LMBRD1: variants seen among roughly 807,000 people sequenced by gnomAD.
LMBRD1 encodes lysosomal cobalamin transport escort protein LMBD1.
LMBRD1 carries 64 observed loss-of-function variants against 74.8 expected under a neutral mutation model. That is an observed-to-expected ratio of 0.86 (90% CI 0.70 to 1.05). The LOEUF (loss-of-function observed/expected upper bound fraction) is 1.05, where lower values mean the gene tolerates loss of function less well. Among genes scored for constraint, LMBRD1 ranks in the 50% least tolerant of loss-of-function variants. The pLI is 0.00. For synonymous variants in LMBRD1, 204 were observed against 216.3 expected, an observed-to-expected ratio of 0.94 and a Z score of 0.50; for missense variants, 652 against 645.9, an observed-to-expected ratio of 1.01 and a Z score of -0.10.
chr6:69,779,485 C>T (rs1277258014), intron 3 of LMBRD1, among the ~76,000 whole-genome samples: 1 of 152,088 alleles, frequency 6.6e-6, no homozygotes, highest in Non-Finnish European at 1.5e-5. Context: ...AGGAGCCAAG[C>T]AACCATAAGT....
chr6:69,750,310 T>C (rs1765098343), intron 4 of LMBRD1, among the ~76,000 whole-genome samples: 1 of 151,738 alleles, frequency 6.6e-6, no homozygotes, highest in African/African-American at 2.4e-5. Flanking sequence ...GAGAAGTTAA[T>C]AATCTGTCCT....
chr6:69,698,736 G>C (rs941326622), intron 13 of LMBRD1, among the ~76,000 whole-genome samples: 15 of 151,742 alleles, frequency 9.9e-5, no homozygotes, highest in Non-Finnish European at 2.2e-4. Context: ...ATTAAAATTC[G>C]TTAAAACGTT....
intron 7 of LMBRD1, among the ~76,000 whole-genome samples, chr6:69,726,500 G>A (rs1380665328): frequency 6.6e-6 from 1 of 152,172 alleles, no homozygotes; most frequent in Non-Finnish European, 1.5e-5. Flanking sequence ...CAGATGAATG[G>A]ATAAAGAAAA....
intron 9 of LMBRD1, chr6:69,706,098 A>T: frequency 1.5e-6 from 1 of 651,420 alleles, no homozygotes; most frequent in Admixed American, 1.9e-5. Flanking sequence ...CCTGTAGTTC[A>T]CAACCAAATA....
rs767524830 is a variant in LMBRD1, at chr6:69,699,110, G to C, written c.1271C>G (p.Thr424Ser). The change falls in exon 13 of 16, where the codon ACT becomes AGT. Residue 424 changes from threonine to serine, a missense_variant. Thr to Ser is a moderately conservative substitution (Grantham distance 58). Coordinates refer to ENST00000649934, the MANE Select transcript of LMBRD1 (RefSeq NM_018368.4). ...CMILLLIVLH[T>S]SYMIYSLAPQ... Reference sequence around the variant, plus strand: ...AGCAAGACTATAAATCATGTAGCTAGTGTGAAGGACAATAAGCAGAAGTAT... The same window carrying C: ...AGCAAGACTATAAATCATGTAGCTACTGTGAAGGACAATAAGCAGAAGTAT... The C allele has an allele frequency of 6.2e-7, 1 of 1,609,510 alleles. No homozygotes were observed. Among genetic ancestry groups the C allele is most frequent in the Admixed American group, 1.7e-5 (1 of 59,918 alleles).
intron 3 of LMBRD1, among the ~76,000 whole-genome samples, chr6:69,766,727 C>A (rs1250806753): frequency 6.6e-6 from 1 of 151,572 alleles, no homozygotes; most frequent in East Asian, 1.9e-4. Context: ...GGTATAATTT[C>A]TATTTATAAT....
intron 3 of LMBRD1, among the ~76,000 whole-genome samples, chr6:69,766,427 A>G (rs1582140094): frequency 6.6e-6 from 1 of 151,930 alleles, no homozygotes; most frequent in African/African-American, 2.4e-5. Context: ...TTTCTGTCCT[A>G]TGTATGCTAA....
At chr6:69,742,829 G>C (rs142867543) in intron 5 of LMBRD1, among the ~76,000 whole-genome samples, 87 of 152,062 alleles carry the variant, frequency 5.7e-4, no homozygotes, top group Non-Finnish European at 1.1e-3. Context: ...CCTATTTCCT[G>C]TTGCTACTGA....
At chr6:69,720,113 A>T (rs1766581558) in intron 7 of LMBRD1, among the ~76,000 whole-genome samples, 1 of 152,206 alleles carries the variant, frequency 6.6e-6, no homozygotes, top group Admixed American at 6.5e-5. Flanking sequence ...CTTTTATGCA[A>T]TGATTAAACA....
chr6:69,707,317 C>T (rs73485505), intron 9 of LMBRD1, among the ~76,000 whole-genome samples: 1 of 152,118 alleles, frequency 6.6e-6, no homozygotes, highest in Non-Finnish European at 1.5e-5. Context: ...ACCTGAATAA[C>T]CCAGGATAAT....
chr6:69,783,116 T>C (rs1047771291), intron 2 of LMBRD1, among the ~76,000 whole-genome samples: 1 of 152,112 alleles, frequency 6.6e-6, no homozygotes, highest in Admixed American at 6.5e-5. Flanking sequence ...TTTTAACACA[T>C]GTAATCTTTG....
At chr6:69,784,601 C>A (rs1429760361) in intron 2 of LMBRD1, among the ~76,000 whole-genome samples, 1 of 152,134 alleles carries the variant, frequency 6.6e-6, no homozygotes, top group Non-Finnish European at 1.5e-5. Context: ...AAGAATTATC[C>A]AAGGCAAAAT....
At chr6:69,762,768 A>C (rs62408999) in intron 3 of LMBRD1, among the ~76,000 whole-genome samples, 53,732 of 152,020 alleles carry the variant, frequency 0.35, 10,184 homozygotes, top group East Asian at 0.54. Flanking sequence ...AAGAGAGACC[A>C]GAGTTCAATC....
At chr6:69,729,189 T>C (rs1766798937) in intron 7 of LMBRD1, among the ~76,000 whole-genome samples, 1 of 147,668 alleles carries the variant, frequency 6.8e-6, no homozygotes, top group African/African-American at 2.5e-5. Context: ...ACACATTTTA[T>C]TCCATGTAGT....
At chr6:69,677,702 T>A (rs2149833035) in intron 14 of LMBRD1, among the ~76,000 whole-genome samples, 1 of 152,230 alleles carries the variant, frequency 6.6e-6, no homozygotes, top group Middle Eastern at 3.4e-3. Context: ...AGCTTTTATC[T>A]TTTTATGACT....
chr6:69,730,187 T>C (rs765387534), intron 7 of LMBRD1, among the ~76,000 whole-genome samples: 12 of 152,102 alleles, frequency 7.9e-5, no homozygotes, highest in Non-Finnish European at 1.5e-4. Flanking sequence ...TAAAATAATA[T>C]ATACAAACTA....
In LMBRD1 at chr6:69,757,821, T is replaced by C. The variant is rs113632874; in HGVS notation, c.308-5465A>G. Reference sequence around the variant, plus strand: ...TATAAAATATGCTTTTACTTATAAATGTTTTTGTTAAAAGATTGCTACTAG... The same window carrying C: ...TATAAAATATGCTTTTACTTATAAACGTTTTTGTTAAAAGATTGCTACTAG... On this transcript the variant is annotated intron_variant, in intron 3 of 15. Transcript: ENST00000649934. Among the ~76,000 whole-genome samples, 792 of 152,330 alleles carry C rather than the reference T, an allele frequency of 5.2e-3. 5 individuals are homozygous for C. Among genetic ancestry groups the C allele is most frequent in the African/African-American group, 0.015 (629 of 41,586 alleles).
At chr6:69,689,564 T>C (rs1765834623) in intron 14 of LMBRD1, among the ~76,000 whole-genome samples, 1 of 152,138 alleles carries the variant, frequency 6.6e-6, no homozygotes, top group Non-Finnish European at 1.5e-5. Context: ...CAAGTCTTTT[T>C]GGGAAATCAG....
At chr6:69,690,549 G>A (rs531807253) in intron 14 of LMBRD1, among the ~76,000 whole-genome samples, 11 of 152,198 alleles carry the variant, frequency 7.2e-5, no homozygotes, top group Admixed American at 5.9e-4. Flanking sequence ...TTTAGTTCAT[G>A]TGGCATTCAG....
Sources: gnomAD v4.1 joint callset for allele counts (sites outside exome capture counted in the v4.1 genomes callset) on GRCh38, gnomAD v4.1.1 for gene constraint, MANE v1.5 for transcripts, NCBI Gene and HGNC (gene_info 2026-07-23, HGNC 2026-07-21) for gene names.